Variants in PAPPA2 observed in about 807,000 individuals in gnomAD.
PAPPA2 encodes pappalysin 2.
PAPPA2 carries 86 observed loss-of-function variants against 176.4 expected under a neutral mutation model. The observed-to-expected ratio is 0.49, with a 90% confidence interval of 0.41 to 0.58. The LOEUF is 0.58. PAPPA2 is among the 20% of genes least tolerant of loss of function. The pLI is 0.00. For synonymous variants in PAPPA2, 809 were observed against 852.2 expected (o/e 0.95, Z 0.88); for missense variants, 2,073 against 2,256.9 (o/e 0.92, Z 1.65).
intron 2 of PAPPA2, among the ~76,000 whole-genome samples, chr1:176,569,424 A>G (rs1313767562): frequency 6.6e-6 from 1 of 152,168 alleles, no homozygotes; most frequent in Non-Finnish European, 1.5e-5. Flanking sequence ...TCTTTCAGGA[A>G]CTCTTCCTTG....
chr1:176,621,528 A>G (rs1266945314), intron 3 of PAPPA2, among the ~76,000 whole-genome samples: 3 of 152,196 alleles, frequency 2.0e-5, no homozygotes, highest in African/African-American at 4.8e-5. Flanking sequence ...CTTCTAAGTA[A>G]TTTAGCACAC....
intron 2 of PAPPA2, among the ~76,000 whole-genome samples, chr1:176,575,044 A>G (rs753962961): frequency 2.0e-5 from 3 of 152,212 alleles, no homozygotes; most frequent in Admixed American, 6.5e-5. Context: ...CTGGTTGTTA[A>G]GCAGTATGTG....
chr1:176,691,769 G>T (rs565984416), intron 5 of PAPPA2, among the ~76,000 whole-genome samples: 2 of 152,306 alleles, frequency 1.3e-5, no homozygotes, highest in East Asian at 3.9e-4. Flanking sequence ...AATAAAGCAG[G>T]TGTCTGAAAC....
At chr1:176,471,304 C>T (rs190012663) in intron 1 of PAPPA2, among the ~76,000 whole-genome samples, 41 of 152,232 alleles carry the variant, frequency 2.7e-4, no homozygotes, top group African/African-American at 9.1e-4. Flanking sequence ...TTTTCATTCC[C>T]AACTCTCATT....
At chr1:176,841,913 C>T (rs1667503274) in intron 22 of PAPPA2, among the ~76,000 whole-genome samples, 1 of 152,144 alleles carries the variant, frequency 6.6e-6, no homozygotes, top group Non-Finnish European at 1.5e-5. Context: ...AGTCTCATTA[C>T]CTTGAATTAA....
At position 176,797,424 on chromosome 1, in the gene PAPPA2, G is replaced by A. The variant is rs190110000; in HGVS notation, c.5131-2637G>A. On this transcript the variant is annotated intron_variant, in intron 20 of 22. Transcript: ENST00000367662. ...TCTGGGAGGGCAAGGTAGGAGAATT[G>A]CTTGAGGCCAAGAATTTTAGACCAG... 3.3e-5 allele frequency among the ~76,000 whole-genome samples: 5 copies of A among 152,246 alleles called. No homozygotes were observed. The South Asian group carries it at 1.0e-3, about 32-fold the overall frequency.
chr1:176,727,106 T>A (rs965879207), intron 12 of PAPPA2, among the ~76,000 whole-genome samples: 2 of 151,900 alleles, frequency 1.3e-5, no homozygotes, highest in Admixed American at 1.3e-4. Context: ...AAAGAGAAGA[T>A]TAATGGAATA....
intron 21 of PAPPA2, among the ~76,000 whole-genome samples, chr1:176,813,104 C>G (rs184391302): frequency 6.6e-6 from 1 of 152,260 alleles, no homozygotes; most frequent in Non-Finnish European, 1.5e-5. Flanking sequence ...ATCTGTGTCC[C>G]TGCAAAGGAC....
At chr1:176,593,389 C>G (rs1401156125) in intron 2 of PAPPA2, among the ~76,000 whole-genome samples, 1 of 152,164 alleles carries the variant, frequency 6.6e-6, no homozygotes, top group Non-Finnish European at 1.5e-5. Flanking sequence ...GATCCAAAGA[C>G]TAGTATATTT....
At position 176,623,707 on chromosome 1, in the gene PAPPA2, TTTTC is replaced by T. The variant is rs1558479476; in HGVS notation, c.1991+28115_1991+28118del. Among the ~76,000 whole-genome samples, 71 of 109,916 alleles carry T rather than the reference TTTTC, an allele frequency of 6.5e-4. 1 individual carries two copies. Among genetic ancestry groups the T allele is most frequent in the African/African-American group, 2.9e-3 (62 of 21,092 alleles). 72.1% of individuals were successfully genotyped at this position (109,916 alleles called of 152,430 possible). A position where few individuals can be genotyped will look rare whatever the true frequency, so the allele number is the denominator to read the frequency against. Reference sequence around the variant, plus strand: ...TTTCTCTCTCTCTTTCCTTTCTTTCTTTTCTTCTTTCTTTCTTTCTCTTTCTTTC... The same window carrying T: ...TTTCTCTCTCTCTTTCCTTTCTTTCTTTCTTTCTTTCTTTCTCTTTCTTTC... On this transcript the variant is annotated intron_variant, in intron 3 of 22. Coordinates refer to ENST00000367662, the MANE Select transcript of PAPPA2 (RefSeq NM_020318.3).
intron 1 of PAPPA2, among the ~76,000 whole-genome samples, chr1:176,542,806 T>C (rs180696054): frequency 6.5e-4 from 99 of 152,322 alleles, no homozygotes; most frequent in East Asian, 5.8e-4. Flanking sequence ...GTCTGCTCCT[T>C]TTCCTAAAGA....
At chr1:176,491,661 G>T (rs1234706076) in intron 1 of PAPPA2, among the ~76,000 whole-genome samples, 1 of 152,174 alleles carries the variant, frequency 6.6e-6, no homozygotes, top group Non-Finnish European at 1.5e-5. Context: ...TATTTTATAT[G>T]TATGGTAAAG....
Position 176,594,633 on chromosome 1 carries a change from C to G in PAPPA2, c.1029C>G (p.Cys343Trp), listed in dbSNP as rs1653853147. 4 of 1,614,204 alleles carry G rather than the reference C, an allele frequency of 2.5e-6. No individual in the cohort carries two copies. Among genetic ancestry groups the G allele is most frequent in the Non-Finnish European group, 3.4e-6 (4 of 1,180,032 alleles). ...ATGCTCGCTTCTTCTTCTCCCTCTG[C>G]ACCGACCGCGTGAAGAAAGCCACCA... is the stretch of plus-strand genomic sequence containing the variant. The part of the protein sequence containing the change: ...KRDARFFFSL[C>W]TDRVKKATIL... Residue 343 changes from cysteine to tryptophan, a missense_variant, in exon 3 of 23, where the codon TGC becomes TGG. Coordinates refer to ENST00000367662, the MANE Select transcript of PAPPA2 (RefSeq NM_020318.3).
intron 21 of PAPPA2, among the ~76,000 whole-genome samples, chr1:176,810,118 G>C (rs1013207283): frequency 6.6e-6 from 1 of 152,082 alleles, no homozygotes; most frequent in South Asian, 2.1e-4. Flanking sequence ...ATGTGGCTAA[G>C]ACACTCCAGT....
In PAPPA2 at chr1:176,690,355, C is replaced by T. The variant is rs763924354; in HGVS notation, c.2356C>T (p.Pro786Ser). 6 of 1,614,140 alleles carry T rather than the reference C, an allele frequency of 3.7e-6. No homozygotes were observed. In the East Asian group the frequency reaches 1.3e-4, roughly 36 times the overall value. Residue 786 changes from proline to serine, a missense_variant, in exon 5 of 23, where the codon CCA becomes TCA. Pro to Ser is a moderately conservative substitution (Grantham distance 74). Coordinates refer to ENST00000367662, the MANE Select transcript of PAPPA2 (RefSeq NM_020318.3). Reference sequence around the variant, plus strand: ...TCCCAAGAGTGAGCTGTGCCGGGAACCAGAGCCCACTAGTGACACCTGTGG... The same window carrying T: ...TCCCAAGAGTGAGCTGTGCCGGGAATCAGAGCCCACTAGTGACACCTGTGG... ...PTPKSELCRE[P>S]EPTSDTCGFT...
chr1:176,785,991 T>C (rs1664918126), intron 17 of PAPPA2, among the ~76,000 whole-genome samples: 1 of 152,152 alleles, frequency 6.6e-6, no homozygotes, highest in African/African-American at 2.4e-5. Context: ...GCCGTGCTTC[T>C]CCCCTGCTGT....
intron 4 of PAPPA2, among the ~76,000 whole-genome samples, chr1:176,672,487 A>G (rs1261239514): frequency 6.6e-6 from 1 of 152,152 alleles, no homozygotes; most frequent in Non-Finnish European, 1.5e-5. Flanking sequence ...CGAATTGACA[A>G]TCATAGACAA....
At chr1:176,524,914 C>G (rs1320284622) in intron 1 of PAPPA2, among the ~76,000 whole-genome samples, 1 of 152,080 alleles carries the variant, frequency 6.6e-6, no homozygotes, top group Non-Finnish European at 1.5e-5. Flanking sequence ...TGATGGCGGG[C>G]GCCTGTAGTC....
intron 3 of PAPPA2, among the ~76,000 whole-genome samples, chr1:176,652,400 G>A (rs1657778613): frequency 1.3e-5 from 2 of 151,610 alleles, no homozygotes; most frequent in Admixed American, 1.3e-4. Flanking sequence ...ACACTAAATG[G>A]CACCTTAAGT....
Sources: gnomAD v4.1 joint callset for allele counts (sites outside exome capture counted in the v4.1 genomes callset) on GRCh38, gnomAD v4.1.1 for gene constraint, MANE v1.5 for transcripts, NCBI Gene and HGNC (gene_info 2026-07-23, HGNC 2026-07-21) for gene names.